The following RAP1GAP2 variants were observed in gnomAD, a reference collection of about 807,000 sequenced individuals.
RAP1GAP2 encodes RAP1 GTPase activating protein 2, also known as rap1 GTPase-activating protein 2.
Under a neutral mutation model 95.0 loss-of-function variants are expected in RAP1GAP2, and 27 were observed. The ratio of observed to expected loss-of-function variants is 0.28; its 90% CI spans 0.21 to 0.39. RAP1GAP2 has a LOEUF of 0.39. RAP1GAP2 is among the 10% of genes least tolerant of loss of function. RAP1GAP2 has a pLI of 1.00. For synonymous variants in RAP1GAP2, 373 were observed against 380.9 expected (o/e 0.98, Z 0.24); for missense variants, 771 against 970.0 (o/e 0.79, Z 2.72).
chr17:3,026,999 C>A lies in RAP1GAP2; in HGVS notation c.2036C>A (p.Pro679Gln), dbSNP rs1267966816. 1.3e-6 allele frequency: 2 copies of A among 1,560,754 alleles called. No individual in the cohort carries two copies. Among genetic ancestry groups the A allele is most frequent in the Non-Finnish European group, 8.7e-7 (1 of 1,152,516 alleles). Reference sequence around the variant, plus strand: ...AAGCAGGAGGTGTTTGTCTACAGCCCGTCCCCGAGCAGCGAGAGCCCCAGC... The same window carrying A: ...AAGCAGGAGGTGTTTGTCTACAGCCAGTCCCCGAGCAGCGAGAGCCCCAGC... ...PFKQEVFVYSPSPSSESPSLG... is the reference protein window; with the variant it reads ...PFKQEVFVYSQSPSSESPSLG... Residue 679 changes from proline to glutamine, a missense_variant, in exon 22 of 25, where the codon CCG (proline) becomes CAG (glutamine). Transcript: ENST00000254695.
intron 3 of RAP1GAP2, among the ~76,000 whole-genome samples, chr17:2,953,648 A>G (rs2043996407): frequency 6.6e-6 from 1 of 152,164 alleles, no homozygotes; most frequent in Non-Finnish European, 1.5e-5. Flanking sequence ...GGAGTTCAAG[A>G]CCAGCCTGGC....
In RAP1GAP2 at chr17:2,821,757, A is replaced by G. The variant is rs552452291; in HGVS notation, c.80+21207A>G. ...TGCACTAGCCACATCTCAAGGGCTC[A>G]GTAGCCACATGTGGCTGGTGGCTAC... On this transcript the variant is annotated intron_variant, in intron 2 of 24. Transcript: ENST00000254695. Among the ~76,000 whole-genome samples the G allele has an allele frequency of 5.3e-5, 8 of 152,306 alleles. No homozygotes were observed. In the East Asian group the frequency reaches 1.5e-3, roughly 29 times the overall value.
At chr17:2,887,910 G>A (rs1195390429) in intron 2 of RAP1GAP2, among the ~76,000 whole-genome samples, 1 of 152,084 alleles carries the variant, frequency 6.6e-6, no homozygotes, top group Admixed American at 6.6e-5. Context: ...CTGACCTCAG[G>A]TGATCCTCCT....
chr17:2,876,354 G>C (rs1321090549), intron 2 of RAP1GAP2, among the ~76,000 whole-genome samples: 1 of 152,196 alleles, frequency 6.6e-6, no homozygotes, highest in Non-Finnish European at 1.5e-5. Flanking sequence ...AGTGCCCAAG[G>C]TGGTTGGGCT....
At chr17:2,961,734 C>A (rs1032073412) in intron 4 of RAP1GAP2, among the ~76,000 whole-genome samples, 1 of 152,134 alleles carries the variant, frequency 6.6e-6, no homozygotes, top group African/African-American at 2.4e-5. Flanking sequence ...TGTCAAGGGT[C>A]ACAAATAGTA....
At position 2,914,927 on chromosome 17, in the gene RAP1GAP2, G is replaced by A. The variant is rs557208110; in HGVS notation, c.165+9559G>A. On this transcript the variant is annotated intron_variant, in intron 3 of 24. Transcript: ENST00000254695. Reference sequence around the variant, plus strand: ...CTGCCTCAGTCCCCCGAGTAGCTGGGATTACAGGTGCCCGCCACCACGCCC... The same window carrying A: ...CTGCCTCAGTCCCCCGAGTAGCTGGAATTACAGGTGCCCGCCACCACGCCC... Among the ~76,000 whole-genome samples the A allele has an allele frequency of 4.2e-3, 632 of 151,706 alleles. 3 individuals carry two copies. The highest frequency in any genetic ancestry group is 3.9e-3 in the Non-Finnish European group (265 of 67,958).
At chr17:2,790,038 A>G (rs1322588918) in intron 1 of RAP1GAP2, among the ~76,000 whole-genome samples, 3 of 151,800 alleles carry the variant, frequency 2.0e-5, no homozygotes, top group African/African-American at 7.3e-5. Context: ...ATTCTTCACT[A>G]ATGTGGGGTT....
chr17:2,989,355 CAG>C (rs1336979021), intron 11 of RAP1GAP2, among the ~76,000 whole-genome samples: 6 of 151,984 alleles, frequency 3.9e-5, no homozygotes, highest in Middle Eastern at 3.4e-3. Context: ...TTTTTTGAGA[CAG>C]AGTCTCACTC....
At chr17:2,949,610 T>C (rs2043841019) in intron 3 of RAP1GAP2, among the ~76,000 whole-genome samples, 1 of 152,074 alleles carries the variant, frequency 6.6e-6, no homozygotes, top group Non-Finnish European at 1.5e-5. Context: ...GCCTGCTGTA[T>C]GCCCTGAGCA....
At chr17:2,966,110 A>G (rs2151495738) in intron 8 of RAP1GAP2, among the ~76,000 whole-genome samples, 1 of 152,324 alleles carries the variant, frequency 6.6e-6, no homozygotes, top group African/African-American at 2.4e-5. Context: ...TGTTCACAAC[A>G]GGAGCACTGA....
chr17:2,898,709 C>T (rs566678524), intron 2 of RAP1GAP2, among the ~76,000 whole-genome samples: 10 of 152,230 alleles, frequency 6.6e-5, no homozygotes, highest in Non-Finnish European at 1.3e-4. Context: ...GCCTTGGCCC[C>T]TCCTCCTCCG....
chr17:2,961,736 C>A (rs1321377786), intron 4 of RAP1GAP2, among the ~76,000 whole-genome samples: 2 of 152,160 alleles, frequency 1.3e-5, no homozygotes, highest in African/African-American at 4.8e-5. Context: ...TCAAGGGTCA[C>A]AAATAGTAAG....
At chr17:2,996,019 A>T (rs1441968543) in intron 13 of RAP1GAP2, among the ~76,000 whole-genome samples, 1 of 151,284 alleles carries the variant, frequency 6.6e-6, no homozygotes, top group Non-Finnish European at 1.5e-5. Flanking sequence ...ACTAGGGTTC[A>T]TACGATGCCC....
chr17:2,969,566 A>G lies in RAP1GAP2; in HGVS notation c.596+3923A>G, dbSNP rs1486311805. ...GCCCAGGTTGGAGTGCAGTGGTGCAATCTTGGTTTATTGCAACCTGCAACT... is the reference window on the plus strand; with the variant it reads ...GCCCAGGTTGGAGTGCAGTGGTGCAGTCTTGGTTTATTGCAACCTGCAACT... On this transcript the variant is annotated intron_variant, in intron 8 of 24. Transcript: ENST00000254695. 3.7e-5 allele frequency among the ~76,000 whole-genome samples: 5 copies of G among 134,312 alleles called. No homozygotes were observed. The South Asian group carries it at 7.1e-4, about 19-fold the overall frequency. 88.1% of individuals were successfully genotyped at this position (134,312 alleles called of 152,430 possible).
At chr17:2,946,838 T>G (rs1186816535) in intron 3 of RAP1GAP2, among the ~76,000 whole-genome samples, 1 of 152,158 alleles carries the variant, frequency 6.6e-6, no homozygotes, top group African/African-American at 2.4e-5. Flanking sequence ...CACTGCAACC[T>G]CCACCCCCCG....
chr17:2,940,803 C>G (rs527836756), intron 3 of RAP1GAP2, among the ~76,000 whole-genome samples: 1 of 152,198 alleles, frequency 6.6e-6, no homozygotes, highest in Non-Finnish European at 1.5e-5. Flanking sequence ...GCTGCCAGCC[C>G]GGGACTGGCT....
At chr17:2,781,281 G>A (rs537046619) in intron 1 of RAP1GAP2, among the ~76,000 whole-genome samples, 2 of 152,360 alleles carry the variant, frequency 1.3e-5, no homozygotes, top group Admixed American at 1.3e-4. Context: ...TGGGCACTTG[G>A]GGGACTCTGG....
intron 2 of RAP1GAP2, among the ~76,000 whole-genome samples, chr17:2,834,430 G>A (rs1044603151): frequency 6.6e-6 from 1 of 152,166 alleles, no homozygotes; most frequent in Admixed American, 6.6e-5. Flanking sequence ...TGGCAGTTGG[G>A]TGGGAAGAGG....
intron 2 of RAP1GAP2, among the ~76,000 whole-genome samples, chr17:2,894,222 G>A (rs750706515): frequency 1.4e-4 from 21 of 152,160 alleles, no homozygotes; most frequent in Non-Finnish European, 8.8e-5. Flanking sequence ...TGAGGTCAAG[G>A]GTTTGAGACC....
Sources: allele counts gnomAD v4.1 joint callset (sites outside exome capture counted in the v4.1 genomes callset), GRCh38; gene constraint gnomAD v4.1.1; transcripts MANE v1.5; gene names NCBI Gene and HGNC (gene_info 2026-07-23, HGNC 2026-07-21).